The following AGBL1 variants were observed in gnomAD, a reference collection of about 807,000 sequenced individuals.
AGBL1 encodes cytosolic carboxypeptidase 4.
A neutral mutation model predicts 118.9 loss-of-function variants in AGBL1; 130 were observed. The ratio of observed to expected loss-of-function variants is 1.09; its 90% CI spans 0.95 to 1.26. AGBL1 has a LOEUF of 1.26. Among genes scored for constraint, AGBL1 ranks in the 50% most tolerant of loss-of-function variants. The pLI is 0.00. For missense variants in AGBL1, 1,584 were observed against 1,298.1 expected (o/e 1.22, Z -3.38); for synonymous variants, 555 against 478.9 (o/e 1.16, Z -2.08).
At chr15:86,647,630 G>A (rs139327599) in intron 21 of AGBL1, among the ~76,000 whole-genome samples, 1 of 152,304 alleles carries the variant, frequency 6.6e-6, no homozygotes, top group South Asian at 2.1e-4. Context: ...GAACCTAGGA[G>A]GCGGAGGTTG....
At chr15:86,672,619 C>G (rs962919534) in intron 21 of AGBL1, among the ~76,000 whole-genome samples, 1 of 152,082 alleles carries the variant, frequency 6.6e-6, no homozygotes, top group African/African-American at 2.4e-5. Context: ...ATCAAGCCAG[C>G]CATTCTAGAA....
In AGBL1 at chr15:86,131,044, A is replaced by G. The variant is rs561735989; in HGVS notation, c.52-10960A>G. Among the ~76,000 whole-genome samples, 4 of 152,284 alleles carry G rather than the reference A, an allele frequency of 2.6e-5. No individual in the cohort carries two copies. In the South Asian group the frequency reaches 8.3e-4, roughly 32 times the overall value. ...AATTGACTGTCTACTGGACCACCAT[A>G]TGGGTCTTTCCGTATGGCAAGACCC... On this transcript the variant is annotated intron_variant, in intron 1 of 22. Coordinates refer to ENST00000614907, the MANE Select transcript of AGBL1 (RefSeq NM_001386094.1).
Position 86,928,333 on chromosome 15 carries a change from C to T in AGBL1, c.3222-59654C>T, listed in dbSNP as rs141563945. Among the ~76,000 whole-genome samples the T allele has an allele frequency of 4.2e-3, 634 of 152,228 alleles. 5 individuals carry two copies. Among genetic ancestry groups the T allele is most frequent in the Non-Finnish European group, 6.5e-3 (444 of 68,018 alleles). On this transcript the variant is annotated intron_variant, in intron 23 of 24. Coordinates refer to the AGBL1 transcript ENST00000441037. ...GCAAAGGCAGAGAACACACAGCTCA[C>T]GGTGGAAGGGACCAGGGAGGACCTG...
chr15:86,594,007 A>G (rs1483248100), intron 21 of AGBL1, among the ~76,000 whole-genome samples: 4 of 152,016 alleles, frequency 2.6e-5, no homozygotes, highest in African/African-American at 9.7e-5. Flanking sequence ...ACTGCAGCCT[A>G]GAACTCCTGG....
At position 86,914,768 on chromosome 15, in the gene AGBL1, G is replaced by A. The variant is rs1339462093; in HGVS notation, c.*7474G>A. 1.3e-5 allele frequency: 2 copies of A among 152,174 alleles called. No individual in the cohort carries two copies. Among genetic ancestry groups the A allele is most frequent in the Admixed American group, 1.3e-4 (2 of 15,298 alleles). The allele number at this position is 152,174 out of a possible 1,614,324, so 9.4% of individuals were successfully genotyped here. A position where few individuals can be genotyped will look rare whatever the true frequency, so the allele number is the denominator to read the frequency against. On this transcript the variant is annotated 3_prime_UTR_variant, in exon 23 of 23. Transcript: ENST00000614907. ...TCGGACTCTTAAACTTGCTCTCCAAGGAAAAACATCTTTCTTCAAAGACCC... is the reference window on the plus strand; with the variant it reads ...TCGGACTCTTAAACTTGCTCTCCAAAGAAAAACATCTTTCTTCAAAGACCC...
Position 86,196,897 on chromosome 15 carries a change from A to G in AGBL1, c.489-28017A>G, listed in dbSNP as rs1312606750. ...CGCGCGCGCACACACACACACACAC[A>G]CACACACACACACACACACACACAC... On this transcript the variant is annotated intron_variant, in intron 5 of 22. Coordinates refer to ENST00000614907, the MANE Select transcript of AGBL1 (RefSeq NM_001386094.1). Among the ~76,000 whole-genome samples, 244 of 151,166 alleles carry G rather than the reference A, an allele frequency of 1.6e-3. 3 individuals are homozygous for G. The highest frequency in any genetic ancestry group is 5.3e-3 in the African/African-American group (216 of 40,960).
At chr15:86,439,162 T>C (rs571484610) in intron 18 of AGBL1, among the ~76,000 whole-genome samples, 15 of 152,074 alleles carry the variant, frequency 9.9e-5, no homozygotes, top group Non-Finnish European at 2.1e-4. Context: ...CTTGTTTCTA[T>C]GTGTGAATGT....
chr15:86,428,441 T>C (rs1480138635), intron 18 of AGBL1, among the ~76,000 whole-genome samples: 1 of 152,212 alleles, frequency 6.6e-6, no homozygotes, highest in Non-Finnish European at 1.5e-5. Flanking sequence ...TTCCCCCGTC[T>C]TTTTTTCTAA....
chr15:86,346,972 C>T (rs143880483), intron 17 of AGBL1, among the ~76,000 whole-genome samples: 22 of 152,286 alleles, frequency 1.4e-4, no homozygotes, highest in African/African-American at 5.3e-4. Flanking sequence ...GCTTCGTTTA[C>T]ACAATATGGA....
chr15:87,013,193 A>G (rs2081578288), intron 24 of AGBL1, among the ~76,000 whole-genome samples: 1 of 152,158 alleles, frequency 6.6e-6, no homozygotes, highest in Non-Finnish European at 1.5e-5. Context: ...TGCTTACTTC[A>G]TCCTCATTTT....
chr15:86,556,219 G>A (rs754079750), intron 21 of AGBL1: 23 of 1,611,722 alleles, frequency 1.4e-5, no homozygotes, highest in Non-Finnish European at 2.0e-5. Context: ...TCTCTACTGT[G>A]CAGTGTACAC....
chr15:86,302,839 G>T (rs1435941049), intron 17 of AGBL1, among the ~76,000 whole-genome samples: 2 of 151,718 alleles, frequency 1.3e-5, no homozygotes, highest in African/African-American at 2.4e-5. Context: ...ACAGAATTGT[G>T]GAATGAGTAT....
At chr15:86,962,498 T>G (rs1197737405) in intron 23 of AGBL1, among the ~76,000 whole-genome samples, 2 of 152,072 alleles carry the variant, frequency 1.3e-5, no homozygotes, top group South Asian at 2.1e-4. Context: ...ATGCCACATA[T>G]TCGTTTCACC....
chr15:86,492,429 A>G (rs569778715), intron 18 of AGBL1, among the ~76,000 whole-genome samples: 1 of 151,922 alleles, frequency 6.6e-6, no homozygotes, highest in Non-Finnish European at 1.5e-5. Flanking sequence ...ATCCCTACTA[A>G]AAATACAAAA....
intron 21 of AGBL1, among the ~76,000 whole-genome samples, chr15:86,644,248 T>C (rs1490817020): frequency 6.6e-6 from 1 of 152,166 alleles, no homozygotes; most frequent in Non-Finnish European, 1.5e-5. Flanking sequence ...AATAATTGCT[T>C]GATTAAACAG....
At chr15:86,789,097 C>G (rs2078455612) in intron 22 of AGBL1, among the ~76,000 whole-genome samples, 1 of 152,198 alleles carries the variant, frequency 6.6e-6, no homozygotes, top group South Asian at 2.1e-4. Flanking sequence ...GCTTTTGCAT[C>G]TAAATCCATT....
intron 22 of AGBL1, among the ~76,000 whole-genome samples, chr15:86,838,836 C>T (rs907305022): frequency 1.4e-5 from 2 of 142,850 alleles, no homozygotes; most frequent in African/African-American, 2.6e-5. Flanking sequence ...CCCAGCTACT[C>T]GGGAGGCTGA....
chr15:86,172,419 C>T (rs922234288), intron 5 of AGBL1, among the ~76,000 whole-genome samples: 20 of 152,168 alleles, frequency 1.3e-4, no homozygotes, highest in Admixed American at 1.1e-3. Context: ...TGTTACCTAT[C>T]ATCACTTCAC....
chr15:86,788,708 C>G (rs2078449194), intron 22 of AGBL1, among the ~76,000 whole-genome samples: 1 of 152,058 alleles, frequency 6.6e-6, no homozygotes, highest in Non-Finnish European at 1.5e-5. Flanking sequence ...AAATGTTGTG[C>G]TGAACAGTTT....
Sources: gnomAD v4.1 joint callset for allele counts (sites outside exome capture counted in the v4.1 genomes callset) on GRCh38, gnomAD v4.1.1 for gene constraint, MANE v1.5 for transcripts, NCBI Gene and HGNC (gene_info 2026-07-23, HGNC 2026-07-21) for gene names.